The following MRPS17 variants were observed in gnomAD, a reference collection of about 807,000 sequenced individuals.
MRPS17 encodes small ribosomal subunit protein uS17m.
A neutral mutation model predicts 11.3 loss-of-function variants in MRPS17; 6 were observed. The observed-to-expected ratio is 0.53, with a 90% CI of 0.29 to 1.05. MRPS17 has a LOEUF of 1.05. Among genes scored for constraint, MRPS17 ranks in the 50% least tolerant of loss-of-function variants. The pLI is 0.08. For missense variants in MRPS17, 139 were observed against 153.6 expected, an observed-to-expected ratio of 0.90 and a Z score of 0.50; for synonymous variants, 56 against 60.4, an observed-to-expected ratio of 0.93 and a Z score of 0.34.
intron 2 of MRPS17, 48 bp downstream of exon 2, chr7:55,953,366 G>A (rs762265401): frequency 1.9e-6 from 3 of 1,605,758 alleles, no homozygotes; most frequent in African/African-American, 1.3e-5. Context: ...TCACCACCAT[G>A]TCCTGGGTCC....
At chr7:55,953,502 C>A (rs1786679407) in intron 2 of MRPS17, among the ~76,000 whole-genome samples, 184 bp downstream of exon 2, 1 of 152,094 alleles carries the variant, frequency 6.6e-6, no homozygotes, top group South Asian at 2.1e-4. Flanking sequence ...AATGTCAATC[C>A]ACTCTAACTG....
rs1197560115 is a variant in MRPS17 at position 55,955,408 on chromosome 7, C to T, written c.*230C>T. ...ATACTTCCACGTTACATTAAGTGTG[C>T]CTAGCAGTCTGTTGCATTTTGTAAG... is the stretch of plus-strand genomic sequence containing the variant. On this transcript the variant is annotated 3_prime_UTR_variant, in exon 3 of 3. Coordinates refer to ENST00000285298, the MANE Select transcript of MRPS17 (RefSeq NM_015969.3). 3 of 527,604 alleles carry T rather than the reference C, an allele frequency of 5.7e-6. No homozygotes were observed. The highest frequency in any genetic ancestry group is 3.8e-5 in the African/African-American group (2 of 51,988). The allele number at this position is 527,604 out of a possible 1,614,324, so 32.7% of individuals were successfully genotyped here. A position where few individuals can be genotyped will look rare whatever the true frequency, so the allele number is the denominator to read the frequency against.
chr7:55,954,846 A>T, intron 2 of MRPS17, 63 bp from the exon 3 acceptor site: 1 of 1,555,462 alleles, frequency 6.4e-7, no homozygotes, highest in Non-Finnish European at 8.7e-7. Context: ...TTTTCATATT[A>T]CATATTACAT....
At chr7:55,954,248 G>C (rs1786695379) in intron 2 of MRPS17, among the ~76,000 whole-genome samples, 1 of 152,154 alleles carries the variant, frequency 6.6e-6, no homozygotes, top group African/African-American at 2.4e-5. Flanking sequence ...GCACACAGGT[G>C]GGTACCAATG....
In MRPS17 at chr7:55,955,419, G is replaced by A; in HGVS notation, c.*241G>A. The A allele has an allele frequency of 4.2e-6, 2 of 473,024 alleles. No homozygotes were observed. The highest frequency in any genetic ancestry group is 4.1e-5 in the East Asian group (1 of 24,268). The allele number at this position is 473,024 out of a possible 1,614,324, so 29.3% of individuals were successfully genotyped here. On this transcript the variant is annotated 3_prime_UTR_variant, in exon 3 of 3. Transcript: ENST00000285298. ...TTACATTAAGTGTGCCTAGCAGTCT[G>A]TTGCATTTTGTAAGCTCACAGTTTT... is the stretch of plus-strand genomic sequence containing the variant.
chr7:55,952,460 C>T (rs190783338), intron 1 of MRPS17, among the ~76,000 whole-genome samples: 2 of 152,194 alleles, frequency 1.3e-5, no homozygotes, highest in Admixed American at 6.5e-5. Flanking sequence ...AAGCCGGGCG[C>T]GGTGGCTCAC....
rs1786706436 is a variant in MRPS17 at position 55,955,027 on chromosome 7, T to C, written c.242T>C (p.Leu81Pro). The change falls in exon 3 of 3, where the codon CTG (leucine) becomes CCG (proline). Residue 81 changes from leucine (L) to proline (P), a missense_variant. Coordinates refer to ENST00000285298, the MANE Select transcript of MRPS17 (RefSeq NM_015969.3). The stretch of plus-strand genomic sequence containing the variant: ...CGAGCAAAGCATGTGAAACATGAAC[T>C]GGCTGAGATCGTTTTCAAAGTTGGA... ...VPRAKHVKHE[L>P]AEIVFKVGKV... 1 of 1,614,152 alleles carries C rather than the reference T, an allele frequency of 6.2e-7. No homozygotes were observed. The highest frequency in any genetic ancestry group is 8.5e-7 in the Non-Finnish European group (1 of 1,180,030).
Position 55,954,145 on chromosome 7 carries a change from G to C in MRPS17, c.124-764G>C, listed in dbSNP as rs542197674. 1.1e-3 allele frequency among the ~76,000 whole-genome samples: 168 copies of C among 152,244 alleles called. 2 individuals carry two copies. The highest frequency in any genetic ancestry group is 3.8e-3 in the African/African-American group (158 of 41,540). ...AAGTTGATGTAGTGGGGATGGAGTG[G>C]AAAAAATATTTCAGGAAGGACAGAG... On this transcript the variant is annotated intron_variant, in intron 2 of 2. Coordinates refer to ENST00000285298, the MANE Select transcript of MRPS17 (RefSeq NM_015969.3).
intron 1 of MRPS17, among the ~76,000 whole-genome samples, chr7:55,952,935 G>A (rs945605960): frequency 3.0e-4 from 45 of 152,100 alleles, no homozygotes; most frequent in Non-Finnish European, 2.4e-4. Flanking sequence ...GGGAGGCTGA[G>A]GCAGGAGAAT....
chr7:55,953,359 C>T (rs1786677380), intron 2 of MRPS17, 41 bp downstream of exon 2: 1 of 1,609,994 alleles, frequency 6.2e-7, no homozygotes, highest in East Asian at 2.2e-5. Flanking sequence ...TGGTAAATCA[C>T]CACCATGTCC....
Position 55,955,679 on chromosome 7 carries a change from C to T in MRPS17, c.*501C>T, listed in dbSNP as rs1786717833. 1 of 155,774 alleles carries T rather than the reference C, an allele frequency of 6.4e-6. No homozygotes were observed. The highest frequency in any genetic ancestry group is 2.0e-4 in the South Asian group (1 of 5,070). 9.6% of individuals were successfully genotyped at this position (155,774 alleles called of 1,614,324 possible). A position where few individuals can be genotyped will look rare whatever the true frequency, so the allele number is the denominator to read the frequency against. On this transcript the variant is annotated 3_prime_UTR_variant, in exon 3 of 3. Coordinates refer to ENST00000285298, the MANE Select transcript of MRPS17 (RefSeq NM_015969.3). ...AGCCAGGATGGTCTTGATCTCCTGA[C>T]CTCGTGATCTGCCTGCCTTGGCCTC...
chr7:55,952,845 C>A (rs971358205), intron 1 of MRPS17, among the ~76,000 whole-genome samples: 1 of 151,740 alleles, frequency 6.6e-6, no homozygotes, highest in African/African-American at 2.4e-5. Context: ...TCCTGGCTAA[C>A]ACGGTGAAAC....
At position 55,953,171 on chromosome 7, in the gene MRPS17, C is replaced by T. The variant is rs1433993655; in HGVS notation, c.-17-8C>T. 2 of 1,613,378 alleles carry T rather than the reference C, an allele frequency of 1.2e-6. No homozygotes were observed. The highest frequency in any genetic ancestry group is 1.1e-5 in the South Asian group (1 of 90,910). On this transcript the variant is annotated splice_region_variant and splice_polypyrimidine_tract_variant and intron_variant, in intron 1 of 2. Transcript: ENST00000285298. The stretch of plus-strand genomic sequence containing the variant: ...CCAGAATATGAGACTTTGGAATTTG[C>T]TTTTCAGGTGACCAAAGCCACGTAA...
At position 55,955,946 on chromosome 7, in the gene MRPS17, G is replaced by C. The variant is rs989087977; in HGVS notation, c.*768G>C. ...ACTTGGCTGATTTTTTGTAAATTTTGTAGAGACAGGGTCTCCCTGTGTTGC... is the reference window on the plus strand; with the variant it reads ...ACTTGGCTGATTTTTTGTAAATTTTCTAGAGACAGGGTCTCCCTGTGTTGC... On this transcript the variant is annotated 3_prime_UTR_variant, in exon 3 of 3. Transcript: ENST00000285298. 6.6e-6 allele frequency: 1 copy of C among 151,582 alleles called. No homozygotes were observed. Among genetic ancestry groups the C allele is most frequent in the East Asian group, 1.9e-4 (1 of 5,142 alleles). 9.4% of individuals were successfully genotyped at this position (151,582 alleles called of 1,614,324 possible). A position where few individuals can be genotyped will look rare whatever the true frequency, so the allele number is the denominator to read the frequency against.
At chr7:55,953,129 A>C (rs1256472005) in intron 1 of MRPS17, 50 bp from the exon 2 acceptor site, 1 of 1,597,844 alleles carries the variant, frequency 6.3e-7, no homozygotes, top group South Asian at 1.1e-5. Context: ...GACAAAATTC[A>C]TGTGGCATCA....
chr7:55,953,445 GCTGGTCTGTAGGTATAACA>G, intron 2 of MRPS17, 127 bp downstream of exon 2: 1 of 1,366,628 alleles, frequency 7.3e-7, no homozygotes, highest in Non-Finnish European at 9.9e-7. Context: ...CAGGCATTTT[GCTGGTCTGTAGGTATAACA>G]CGGTTTACAC....
chr7:55,953,224 C>T lies in MRPS17; in HGVS notation c.29C>T (p.Ala10Val). 1 of 1,614,132 alleles carries T rather than the reference C, an allele frequency of 6.2e-7. No individual in the cohort carries two copies. The highest frequency in any genetic ancestry group is 8.5e-7 in the Non-Finnish European group (1 of 1,180,040). ...TCCGTAGTTCGCTCATCCGTCCATG[C>T]CAGATGGATTGTGGGGAAGGTGATT... is the stretch of plus-strand genomic sequence containing the variant. MSVVRSSVH[A>V]RWIVGKVIGT... Residue 10 changes from alanine to valine, a missense_variant, in exon 2 of 3, where the codon GCC becomes GTC. Transcript: ENST00000285298.
At position 55,955,937 on chromosome 7, in the gene MRPS17, G is replaced by A. The variant is rs533478579; in HGVS notation, c.*759G>A. On this transcript the variant is annotated 3_prime_UTR_variant, in exon 3 of 3. Transcript: ENST00000285298. ...TACCACTACACTTGGCTGATTTTTT[G>A]TAAATTTTGTAGAGACAGGGTCTCC... 1 of 151,638 alleles carries A rather than the reference G, an allele frequency of 6.6e-6. No homozygotes were observed. The highest frequency in any genetic ancestry group is 2.0e-4 in the East Asian group (1 of 5,116). The allele number at this position is 151,638 out of a possible 1,614,324, so 9.4% of individuals were successfully genotyped here.
chr7:55,951,939 C>G lies in MRPS17; in HGVS notation c.-18+9C>G, dbSNP rs1255953924. ...GCATAGTCTTGGCGGAGGTGAGTCTCGTGGTGGAGGTGAGGGCAGGCTCCG... is the reference window on the plus strand; with the variant it reads ...GCATAGTCTTGGCGGAGGTGAGTCTGGTGGTGGAGGTGAGGGCAGGCTCCG... On this transcript the variant is annotated intron_variant, in intron 1 of 2. Transcript: ENST00000285298. 6.6e-6 allele frequency: 1 copy of G among 152,430 alleles called. No individual in the cohort carries two copies. The highest frequency in any genetic ancestry group is 1.5e-5 in the Non-Finnish European group (1 of 68,224). The allele number at this position is 152,430 out of a possible 1,614,324, so 9.4% of individuals were successfully genotyped here.
Sources: allele counts gnomAD v4.1 joint callset (sites outside exome capture counted in the v4.1 genomes callset), GRCh38; gene constraint gnomAD v4.1.1; transcripts MANE v1.5; gene names NCBI Gene and HGNC (gene_info 2026-07-23, HGNC 2026-07-21).